Variants in ANKRD44 observed in about 807,000 individuals in gnomAD.
ANKRD44 encodes ankyrin repeat domain 44.
Under a neutral mutation model 116.0 loss-of-function variants are expected in ANKRD44, and 35 were observed. The ratio of observed to expected loss-of-function variants is 0.30; its 90% CI spans 0.23 to 0.40. The LOEUF is 0.40. Ranked by LOEUF, ANKRD44 falls within the 10% of genes least tolerant of loss-of-function variation. ANKRD44 has a pLI of 1.00. For synonymous variants in ANKRD44, 435 were observed against 461.8 expected (o/e 0.94, Z 0.74); for missense variants, 1,014 against 1,242.6 (o/e 0.82, Z 2.77).
intron 10 of ANKRD44, among the ~76,000 whole-genome samples, chr2:197,096,636 T>A (rs1403173854): frequency 6.6e-6 from 1 of 152,064 alleles, no homozygotes; most frequent in Non-Finnish European, 1.5e-5. Flanking sequence ...TCATATAGAG[T>A]TAATTTAAAT....
At chr2:197,083,105 A>AT (rs1282201816) in intron 14 of ANKRD44, among the ~76,000 whole-genome samples, 30 of 152,270 alleles carry the variant, frequency 2.0e-4, no homozygotes, top group Non-Finnish European at 2.9e-4. Flanking sequence ...ATTAAAACAG[A>AT]TTTTGAATGA....
chr2:197,002,761 G>A (rs568536198), intron 21 of ANKRD44, among the ~76,000 whole-genome samples: 1 of 152,264 alleles, frequency 6.6e-6, no homozygotes, highest in Admixed American at 6.5e-5. Context: ...CAACGACAAA[G>A]TCTCTGTGGT....
At chr2:197,157,539 G>A (rs753554863) in intron 2 of ANKRD44, among the ~76,000 whole-genome samples, 23 of 152,004 alleles carry the variant, frequency 1.5e-4, no homozygotes, top group Non-Finnish European at 2.1e-4. Flanking sequence ...CTAGCCTGGC[G>A]TGGTGGCACA....
chr2:197,019,784 ATTTCTTTTTTTTTC>A (rs765852887), intron 17 of ANKRD44, among the ~76,000 whole-genome samples: 24 of 151,030 alleles, frequency 1.6e-4, no homozygotes, highest in Non-Finnish European at 3.4e-4. Flanking sequence ...GGAATAGGCG[ATTTCTTTTTTTTTC>A]TTTCTTTTTT....
At chr2:196,994,222 A>C (rs2075971284) in intron 26 of ANKRD44, among the ~76,000 whole-genome samples, 1 of 152,130 alleles carries the variant, frequency 6.6e-6, no homozygotes, top group South Asian at 2.1e-4. Context: ...TCACTCTGTC[A>C]CCCAGGCTGG....
intron 1 of ANKRD44, among the ~76,000 whole-genome samples, chr2:197,257,098 G>T (rs1215895912): frequency 6.6e-6 from 1 of 152,172 alleles, no homozygotes. Flanking sequence ...CACTCTCCTT[G>T]CACAGGTTTA....
chr2:197,272,444 G>C (rs1012120308), intron 1 of ANKRD44, among the ~76,000 whole-genome samples: 1 of 152,042 alleles, frequency 6.6e-6, no homozygotes, highest in African/African-American at 2.4e-5. Flanking sequence ...CACCATGTTG[G>C]TCAGGCTGGT....
In ANKRD44 at chr2:196,987,174, C is replaced by A. The variant is rs999057558; in HGVS notation, c.*2417G>T. The A allele has an allele frequency of 4.1e-6, 4 of 985,226 alleles. No homozygotes were observed. The highest frequency in any genetic ancestry group is 4.7e-5 in the South Asian group (1 of 21,288). 61.0% of individuals were successfully genotyped at this position (985,226 alleles called of 1,614,324 possible). A position where few individuals can be genotyped will look rare whatever the true frequency, so the allele number is the denominator to read the frequency against. On this transcript the variant is annotated 3_prime_UTR_variant, in exon 28 of 28. Transcript: ENST00000282272. ...AAATGCTTTTCCCCTATAATACTGACCTATGGTTTATAGTTTCGTAAGACG... is the reference window on the plus strand; with the variant it reads ...AAATGCTTTTCCCCTATAATACTGAACTATGGTTTATAGTTTCGTAAGACG...
intron 20 of ANKRD44, among the ~76,000 whole-genome samples, chr2:197,006,289 C>T (rs188067449): frequency 9.9e-4 from 151 of 151,962 alleles, no homozygotes; most frequent in Non-Finnish European, 1.4e-3. Context: ...AAAAAAAATA[C>T]GAAAAATTAG....
At chr2:197,220,521 T>C (rs1049316579) in intron 1 of ANKRD44, among the ~76,000 whole-genome samples, 2 of 152,232 alleles carry the variant, frequency 1.3e-5, no homozygotes, top group African/African-American at 4.8e-5. Flanking sequence ...TAGGTAGACA[T>C]TGGTCATTTG....
intron 13 of ANKRD44, among the ~76,000 whole-genome samples, chr2:197,084,325 C>T (rs1475579571): frequency 6.6e-6 from 1 of 152,158 alleles, no homozygotes; most frequent in African/African-American, 2.4e-5. Flanking sequence ...ATCACTTCCA[C>T]CCATCAAAAC....
At chr2:196,978,257 G>A (rs2075773961) in intron 21 of ANKRD44, among the ~76,000 whole-genome samples, 1 of 150,532 alleles carries the variant, frequency 6.6e-6, no homozygotes, top group Admixed American at 6.7e-5. Context: ...AAAGAGTGTG[G>A]CACCTCTCCC....
intron 9 of ANKRD44, among the ~76,000 whole-genome samples, chr2:197,104,601 C>A (rs2078381546): frequency 6.6e-6 from 1 of 152,166 alleles, no homozygotes; most frequent in Non-Finnish European, 1.5e-5. Context: ...GCATTATCTT[C>A]CAGGCCAGGA....
At chr2:197,148,038 G>A (rs1000817095) in intron 2 of ANKRD44, 1 of 293,942 alleles carries the variant, frequency 3.4e-6, no homozygotes, top group Non-Finnish European at 6.9e-6. Context: ...AAGGCAGCAT[G>A]GTAACATGCA....
At chr2:197,072,792 C>T (rs2077588310) in intron 16 of ANKRD44, among the ~76,000 whole-genome samples, 1 of 152,176 alleles carries the variant, frequency 6.6e-6, no homozygotes, top group Admixed American at 6.5e-5. Context: ...ATTTACTGAA[C>T]CAGCGAGTCA....
chr2:197,115,371 G>A (rs1179527937), intron 8 of ANKRD44, among the ~76,000 whole-genome samples: 1 of 152,162 alleles, frequency 6.6e-6, no homozygotes, highest in Non-Finnish European at 1.5e-5. Context: ...ACTTTCTCAT[G>A]TTCTACCTAT....
chr2:197,019,690 A>C (rs2076459116), intron 17 of ANKRD44, among the ~76,000 whole-genome samples: 1 of 152,214 alleles, frequency 6.6e-6, no homozygotes, highest in African/African-American at 2.4e-5. Flanking sequence ...TATTATAGGA[A>C]ATTCCAAACA....
chr2:197,011,803 G>A (rs1231926242), intron 18 of ANKRD44, among the ~76,000 whole-genome samples: 2 of 152,060 alleles, frequency 1.3e-5, no homozygotes, highest in East Asian at 1.9e-4. Context: ...CCCTGAAGTT[G>A]GTAGCCAAAC....
chr2:197,304,301 G>C (rs555364326), intron 1 of ANKRD44, among the ~76,000 whole-genome samples: 10 of 152,130 alleles, frequency 6.6e-5, no homozygotes, highest in Admixed American at 5.2e-4. Flanking sequence ...GAAACAGAGC[G>C]AGACTCTGTC....
Sources: allele counts gnomAD v4.1 joint callset (sites outside exome capture counted in the v4.1 genomes callset), GRCh38; gene constraint gnomAD v4.1.1; transcripts MANE v1.5; gene names NCBI Gene and HGNC (gene_info 2026-07-23, HGNC 2026-07-21).